Variants in SLC26A8 observed in about 807,000 individuals in gnomAD.
SLC26A8 encodes the protein solute carrier family 26 member 8.
SLC26A8 carries 70 observed loss-of-function variants against 105.0 expected under a neutral mutation model. That is an observed-to-expected ratio of 0.67 (90% CI 0.55 to 0.81). The LOEUF (loss-of-function observed/expected upper bound fraction) is 0.81, where lower values mean the gene tolerates loss of function less well. Ranked by LOEUF, SLC26A8 falls within the 40% of genes least tolerant of loss-of-function variation. SLC26A8 has a pLI of 0.00. For synonymous variants in SLC26A8, 415 were observed against 438.3 expected, an observed-to-expected ratio of 0.95 and a Z score of 0.66; for missense variants, 998 against 1,181.8, an observed-to-expected ratio of 0.84 and a Z score of 2.28.
At chr6:35,987,604 C>T (rs1562048671) in intron 7 of SLC26A8, among the ~76,000 whole-genome samples, 1 of 152,260 alleles carries the variant, frequency 6.6e-6, no homozygotes, top group East Asian at 1.9e-4. Context: ...ATCTCCTGAC[C>T]TCGTGATCCA....
chr6:36,018,924 T>TGTTA (rs749155070), intron 2 of SLC26A8, among the ~76,000 whole-genome samples: 53 of 152,046 alleles, frequency 3.5e-4, no homozygotes, highest in Non-Finnish European at 5.4e-4. Context: ...ACCATGGCTA[T>TGTTA]CTTATTTATT....
chr6:35,970,689 T>C (rs748375621), intron 10 of SLC26A8, among the ~76,000 whole-genome samples: 22 of 152,218 alleles, frequency 1.4e-4, no homozygotes, highest in Non-Finnish European at 2.6e-4. Flanking sequence ...CTTCTGATTA[T>C]TTTTAAGGAA....
In SLC26A8 at chr6:35,961,099, C is replaced by A. The variant is rs565898702; in HGVS notation, c.1462G>T (p.Ala488Ser). 2 of 1,611,694 alleles carry A rather than the reference C, an allele frequency of 1.2e-6. No homozygotes were observed. Among genetic ancestry groups the A allele is most frequent in the Non-Finnish European group, 1.7e-6 (2 of 1,178,550 alleles). ...SLWRQDQYDC[A>S]LWMMTFSSSI... ...GATGAGAATGTCATCATCCAAAGAG[C>A]CTTATGGAAAAGGGAATGAGGGGAA... Residue 488 changes from alanine to serine, a missense_variant and splice_region_variant, in exon 13 of 20, where the codon GCT (alanine) becomes TCT (serine). By Grantham distance (99) the Ala-to-Ser change is moderately conservative. Coordinates refer to ENST00000490799, the MANE Select transcript of SLC26A8 (RefSeq NM_052961.4).
intron 10 of SLC26A8, among the ~76,000 whole-genome samples, chr6:35,970,302 G>A (rs1054395441): frequency 1.3e-5 from 2 of 152,158 alleles, no homozygotes; most frequent in Non-Finnish European, 2.9e-5. Flanking sequence ...CCTTATAAAT[G>A]TATTGCCGAA....
chr6:36,010,237 G>A (rs569942360), intron 3 of SLC26A8, among the ~76,000 whole-genome samples: 1 of 152,162 alleles, frequency 6.6e-6, no homozygotes, highest in East Asian at 1.9e-4. Context: ...TATCCATATA[G>A]TAGAATATTA....
intron 3 of SLC26A8, among the ~76,000 whole-genome samples, chr6:36,001,849 C>A (rs565789301): frequency 6.6e-6 from 1 of 152,318 alleles, no homozygotes; most frequent in African/African-American, 2.4e-5. Context: ...CCAACAGCTG[C>A]ATGAGTGAGC....
chr6:36,001,820 G>A (rs1381182361), intron 3 of SLC26A8, among the ~76,000 whole-genome samples: 1 of 152,202 alleles, frequency 6.6e-6, no homozygotes, highest in Non-Finnish European at 1.5e-5. Flanking sequence ...AAGCCAGAAT[G>A]GGGAGGAACT....
intron 7 of SLC26A8, among the ~76,000 whole-genome samples, chr6:35,988,269 T>C (rs115916680): frequency 0.019 from 2,837 of 152,294 alleles, 91 homozygotes; most frequent in African/African-American, 0.064. Context: ...GCTTTATTGA[T>C]GAAAATATCT....
Position 35,992,685 on chromosome 6 carries a change from G to A in SLC26A8, c.628-11C>T. ...TACGCCCATTATTAGCTGCAGAGAA[G>A]AGAAAACCAGAGTGGGGTAGAATGT... On this transcript the variant is annotated splice_polypyrimidine_tract_variant and intron_variant, in intron 5 of 19. Coordinates refer to ENST00000490799, the MANE Select transcript of SLC26A8 (RefSeq NM_052961.4). 6.3e-7 allele frequency: 1 copy of A among 1,595,564 alleles called. No homozygotes were observed. The highest frequency in any genetic ancestry group is 8.5e-7 in the Non-Finnish European group (1 of 1,171,760).
Position 35,955,140 on chromosome 6 carries a change from C to T in SLC26A8, c.2232+12G>A, listed in dbSNP as rs1772007206. Reference sequence around the variant, plus strand: ...GGATCAGAGCTCCTGCCAAGGCCTCCTCAGTACTTACCTGTCTTAATACGA... The same window carrying T: ...GGATCAGAGCTCCTGCCAAGGCCTCTTCAGTACTTACCTGTCTTAATACGA... On this transcript the variant is annotated intron_variant, in intron 17 of 19. Coordinates refer to ENST00000490799, the MANE Select transcript of SLC26A8 (RefSeq NM_052961.4). 6.2e-7 allele frequency: 1 copy of T among 1,614,034 alleles called. No homozygotes were observed. Among genetic ancestry groups the T allele is most frequent in the South Asian group, 1.1e-5 (1 of 91,052 alleles).
rs924909933 is a variant in SLC26A8, at chr6:36,023,462, G to A, written c.-3+1042C>T. ...CTCAGGAGGGTGAGGCAGGAGAATC[G>A]CTTGAACCTAGGAGGCAGAGGTTGC... is the stretch of plus-strand genomic sequence containing the variant. On this transcript the variant is annotated intron_variant, in intron 1 of 19. Transcript: ENST00000490799. 2.0e-5 allele frequency among the ~76,000 whole-genome samples: 3 copies of A among 148,804 alleles called. 1 individual carries two copies. The highest frequency in any genetic ancestry group is 4.2e-4 in the South Asian group (2 of 4,756).
At chr6:35,955,670 A>G in intron 16 of SLC26A8, 150 bp from the exon 17 acceptor site, 2 of 1,026,624 alleles carry the variant, frequency 1.9e-6, no homozygotes, top group Non-Finnish European at 2.8e-6. Flanking sequence ...TTTTACTTGG[A>G]TATCTGTCAC....
chr6:35,995,902 TTTTGTCTTATCCCACAAGA>T (rs1761338831), intron 5 of SLC26A8, among the ~76,000 whole-genome samples: 1 of 152,146 alleles, frequency 6.6e-6, no homozygotes, highest in Non-Finnish European at 1.5e-5. Flanking sequence ...TGCTTGTGTA[TTTTGTCTTATCCCACAAGA>T]TTAAACTTTT....
Position 35,995,309 on chromosome 6 carries a change from C to G in SLC26A8, c.627+2429G>C, listed in dbSNP as rs142631325. Reference sequence around the variant, plus strand: ...TTCTAGGCAGCCACTGTTAATCAGTCAGGGTTGGCCTGTGAGATGAAACCT... The same window carrying G: ...TTCTAGGCAGCCACTGTTAATCAGTGAGGGTTGGCCTGTGAGATGAAACCT... On this transcript the variant is annotated intron_variant, in intron 5 of 19. Transcript: ENST00000490799. Among the ~76,000 whole-genome samples the G allele has an allele frequency of 3.6e-3, 545 of 152,254 alleles. 1 individual carries two copies. Among genetic ancestry groups the G allele is most frequent in the African/African-American group, 0.012 (515 of 41,544 alleles).
rs563591761 is a variant in SLC26A8, at chr6:35,997,997, G to A, written c.446-78C>T. 4.4e-6 allele frequency: 6 copies of A among 1,348,922 alleles called. No individual in the cohort carries two copies. In the African/African-American group the frequency reaches 8.7e-5, roughly 20 times the overall value. 83.6% of individuals were successfully genotyped at this position (1,348,922 alleles called of 1,614,324 possible). ...ATATTGACAAAAGCAAGGTATGGTT[G>A]AATTCTGGATTGTCCTTCAACTGAA... On this transcript the variant is annotated intron_variant, in intron 4 of 19. Coordinates refer to ENST00000490799, the MANE Select transcript of SLC26A8 (RefSeq NM_052961.4).
intron 1 of SLC26A8, among the ~76,000 whole-genome samples, chr6:36,023,392 T>C (rs1017336940): frequency 6.6e-6 from 1 of 151,390 alleles, no homozygotes; most frequent in African/African-American, 2.4e-5. Flanking sequence ...CTAATAAAAA[T>C]ACAAAAATTA....
intron 2 of SLC26A8, among the ~76,000 whole-genome samples, chr6:36,015,606 G>C (rs1208582083): frequency 6.6e-6 from 1 of 152,100 alleles, no homozygotes; most frequent in Non-Finnish European, 1.5e-5. Flanking sequence ...ATTTCACTGG[G>C]AATACTTATT....
intron 5 of SLC26A8, among the ~76,000 whole-genome samples, chr6:35,994,844 C>A (rs6922972): frequency 2.6e-5 from 4 of 151,746 alleles, no homozygotes; most frequent in African/African-American, 9.7e-5. Context: ...CCCAAAGTGC[C>A]GGAATTACAG....
chr6:35,948,854 C>G (rs1771764086), intron 19 of SLC26A8, among the ~76,000 whole-genome samples: 1 of 151,960 alleles, frequency 6.6e-6, no homozygotes, highest in Admixed American at 6.6e-5. Flanking sequence ...AGGGCTCTGC[C>G]CTTGTGAATG....
Sources: gnomAD v4.1 joint callset for allele counts (sites outside exome capture counted in the v4.1 genomes callset) on GRCh38, gnomAD v4.1.1 for gene constraint, MANE v1.5 for transcripts, NCBI Gene and HGNC (gene_info 2026-07-23, HGNC 2026-07-21) for gene names.